Variants in DCDC1 observed in about 807,000 individuals in gnomAD.
DCDC1 encodes the protein doublecortin domain-containing protein 1.
Under a neutral mutation model 178.3 loss-of-function variants are expected in DCDC1, and 200 were observed. That is an observed-to-expected ratio of 1.12 (90% CI 1.00 to 1.26). The LOEUF (loss-of-function observed/expected upper bound fraction) is 1.26, where lower values mean the gene tolerates loss of function less well. DCDC1 is among the 50% of genes most tolerant of loss of function. The probability of loss-of-function intolerance (pLI) is 0.00; values close to 1 mark genes in which losing one functional copy is unlikely to be tolerated. For missense variants in DCDC1, 1,983 were observed against 1,749.2 expected (o/e 1.13, Z -2.38); for synonymous variants, 690 against 604.8 (o/e 1.14, Z -2.07).
intron 9 of DCDC1, among the ~76,000 whole-genome samples, chr11:31,225,568 TTATA>T (rs1212272413): frequency 6.6e-6 from 1 of 150,784 alleles, no homozygotes; most frequent in African/African-American, 2.4e-5. Context: ...TAAATATGTG[TTATA>T]TATACATATG....
intron 20 of DCDC1, among the ~76,000 whole-genome samples, chr11:31,042,408 T>C (rs1194471376): frequency 6.6e-6 from 1 of 152,124 alleles, no homozygotes; most frequent in Non-Finnish European, 1.5e-5. Context: ...AATAAACAAA[T>C]GCCAGCAAGT....
intron 6 of DCDC1, among the ~76,000 whole-genome samples, chr11:31,302,597 G>A (rs970911551): frequency 1.6e-4 from 25 of 152,108 alleles, no homozygotes; most frequent in African/African-American, 5.8e-4. Context: ...ACTTTAAAAT[G>A]TAAGAATTAT....
intron 9 of DCDC1, among the ~76,000 whole-genome samples, chr11:31,223,842 T>C (rs1974575581): frequency 6.6e-6 from 1 of 152,098 alleles, no homozygotes; most frequent in Non-Finnish European, 1.5e-5. Context: ...TATGCTTTAA[T>C]ATACACATAT....
Position 31,330,146 on chromosome 11 carries a change from A to G in DCDC1, c.-6-1860T>C, listed in dbSNP as rs569625146. Among the ~76,000 whole-genome samples the G allele has an allele frequency of 2.6e-5, 4 of 152,256 alleles. No individual in the cohort carries two copies. In the South Asian group the frequency reaches 6.2e-4, roughly 24 times the overall value. On this transcript the variant is annotated intron_variant, in intron 2 of 38. Coordinates refer to ENST00000684477, the MANE Select transcript of DCDC1 (RefSeq NM_001387274.1). ...GGTTTTGATTTGCATTTCTCTGATG[A>G]CCAGTGATGATGAGCATTTTTTCAT...
chr11:30,983,923 G>GTTCAGCTA (rs1950512665), intron 20 of DCDC1, among the ~76,000 whole-genome samples: 1 of 152,132 alleles, frequency 6.6e-6, no homozygotes, highest in Non-Finnish European at 1.5e-5. Flanking sequence ...ATAATCGAAG[G>GTTCAGCTA]TTCAGCTAAG....
intron 9 of DCDC1, among the ~76,000 whole-genome samples, chr11:31,231,297 C>T (rs1302768024): frequency 6.6e-6 from 1 of 152,056 alleles, no homozygotes; most frequent in African/African-American, 2.4e-5. Context: ...CCACTTCTTC[C>T]TTAACAGAAA....
At chr11:31,016,364 T>G (rs290089) in intron 20 of DCDC1, among the ~76,000 whole-genome samples, 2,062 of 152,300 alleles carry the variant, frequency 0.014, 49 homozygotes, top group African/African-American at 0.048. Flanking sequence ...GAAATGTTTG[T>G]GCTAAAATAT....
At chr11:31,037,773 T>C (rs1255687024) in intron 20 of DCDC1, among the ~76,000 whole-genome samples, 1 of 152,020 alleles carries the variant, frequency 6.6e-6, no homozygotes, top group South Asian at 2.1e-4. Context: ...TAAATATTTA[T>C]TTCTCTTATC....
intron 7 of DCDC1, among the ~76,000 whole-genome samples, chr11:31,283,543 T>TG (rs1255761191): frequency 1.3e-5 from 2 of 152,114 alleles, no homozygotes; most frequent in Non-Finnish European, 1.5e-5. Flanking sequence ...AACTCTATTT[T>TG]GGGGTCTGTT....
Position 31,327,260 on chromosome 11 carries a change from C to T in DCDC1, c.164+857G>A, listed in dbSNP as rs898634272. Among the ~76,000 whole-genome samples, 7 of 152,118 alleles carry T rather than the reference C, an allele frequency of 4.6e-5. No homozygotes were observed. The South Asian group carries it at 1.2e-3, about 27-fold the overall frequency. On this transcript the variant is annotated intron_variant, in intron 3 of 38. Transcript: ENST00000684477. The stretch of plus-strand genomic sequence containing the variant: ...CTTGGCTCACCGCAACCTCCAGCTC[C>T]CGGGTTCAAGCGATTCTCCTGCCTC...
intron 22 of DCDC1, among the ~76,000 whole-genome samples, chr11:30,926,799 A>G (rs530308612): frequency 6.6e-6 from 1 of 152,320 alleles, no homozygotes; most frequent in African/African-American, 2.4e-5. Flanking sequence ...AGGTTAGCTT[A>G]GAAGTAAATA....
chr11:30,915,528 T>C lies in DCDC1; in HGVS notation c.3636A>G (p.Ile1212Met). 6.2e-7 allele frequency: 1 copy of C among 1,613,940 alleles called. No individual in the cohort carries two copies. The highest frequency in any genetic ancestry group is 1.1e-5 in the South Asian group (1 of 91,088). ...KKSDGSHQRW[I>M]HQEDSRTFHL... ...GGGATTACCTGCTGTCTTCCTGGTG[T>C]ATCCAGCGCTGATGACTACCATCAG... Residue 1212 changes from isoleucine to methionine, a missense_variant, in exon 27 of 39, where the codon ATA (isoleucine) becomes ATG (methionine). Physicochemically the swap from Ile to Met is conservative, Grantham distance 10. Transcript: ENST00000684477.
At chr11:31,111,578 A>G (rs1458621320) in intron 11 of DCDC1, among the ~76,000 whole-genome samples, 1 of 152,174 alleles carries the variant, frequency 6.6e-6, no homozygotes, top group Non-Finnish European at 1.5e-5. Context: ...TACAATTCTG[A>G]GTAAAAAAAA....
intron 8 of DCDC1, among the ~76,000 whole-genome samples, chr11:31,247,119 C>T (rs948714841): frequency 6.6e-6 from 1 of 152,016 alleles, no homozygotes; most frequent in East Asian, 1.9e-4. Context: ...ATAGGTCATA[C>T]TGTTTTTACC....
intron 32 of DCDC1, among the ~76,000 whole-genome samples, chr11:30,903,040 A>G (rs1483263238): frequency 6.6e-6 from 1 of 152,040 alleles, no homozygotes; most frequent in East Asian, 1.9e-4. Context: ...ATGACAGTAA[A>G]AGCATAGAGA....
chr11:31,049,585 G>C (rs1367654777), intron 20 of DCDC1, among the ~76,000 whole-genome samples: 1 of 152,176 alleles, frequency 6.6e-6, no homozygotes, highest in African/African-American at 2.4e-5. Flanking sequence ...TAGATCGACT[G>C]CATGAATAAA....
chr11:31,359,782 T>A (rs1009666723), intron 1 of DCDC1, among the ~76,000 whole-genome samples: 1 of 152,176 alleles, frequency 6.6e-6, no homozygotes, highest in African/African-American at 2.4e-5. Context: ...GAGATACTGA[T>A]AAAAGGGAGA....
At chr11:31,301,474 G>A (rs1393594460) in intron 6 of DCDC1, among the ~76,000 whole-genome samples, 1 of 152,182 alleles carries the variant, frequency 6.6e-6, no homozygotes, top group African/African-American at 2.4e-5. Context: ...ATGATGTGAT[G>A]TGAGTAGTGG....
At position 30,908,703 on chromosome 11, in the gene DCDC1, T is replaced by A. The variant is rs78985559; in HGVS notation, c.3918+243A>T. 2.7e-3 allele frequency among the ~76,000 whole-genome samples: 410 copies of A among 152,276 alleles called. 9 individuals carry two copies. The highest frequency in any genetic ancestry group is 0.023 in the Admixed American group (345 of 15,292). On this transcript the variant is annotated intron_variant, in intron 29 of 38. Coordinates refer to ENST00000684477, the MANE Select transcript of DCDC1 (RefSeq NM_001387274.1). Reference sequence around the variant, plus strand: ...TAGTCTCTCTACTTTAGAATATGTATGAAAATTTCAATTATAAAAATTTTA... The same window carrying A: ...TAGTCTCTCTACTTTAGAATATGTAAGAAAATTTCAATTATAAAAATTTTA...
Sources: allele counts gnomAD v4.1 joint callset (sites outside exome capture counted in the v4.1 genomes callset), GRCh38; gene constraint gnomAD v4.1.1; transcripts MANE v1.5; gene names NCBI Gene and HGNC (gene_info 2026-07-23, HGNC 2026-07-21).